GRM7: variants seen among roughly 807,000 people sequenced by gnomAD.
GRM7 encodes the protein metabotropic glutamate receptor 7.
In GRM7, 35 loss-of-function variants were observed where a neutral mutation model predicts 84.5. The observed-to-expected ratio is 0.41, with a 90% CI of 0.32 to 0.55. GRM7 has a LOEUF of 0.55. GRM7 is among the 20% of genes least tolerant of loss of function. The probability of loss-of-function intolerance (pLI) is 0.19; values close to 1 mark genes in which losing one functional copy is unlikely to be tolerated. For missense variants in GRM7, 1,003 were observed against 1,194.6 expected, an observed-to-expected ratio of 0.84 and a Z score of 2.36; for synonymous variants, 487 against 455.1, an observed-to-expected ratio of 1.07 and a Z score of -0.89.
At chr3:7,572,039 A>G (rs992221737) in intron 7 of GRM7, among the ~76,000 whole-genome samples, 4 of 152,092 alleles carry the variant, frequency 2.6e-5, no homozygotes, top group African/African-American at 4.8e-5. Flanking sequence ...CCATAATTCA[A>G]TCACCTCCCA....
At chr3:7,413,199 T>G (rs1020015727) in intron 4 of GRM7, among the ~76,000 whole-genome samples, 1 of 152,142 alleles carries the variant, frequency 6.6e-6, no homozygotes, top group African/African-American at 2.4e-5. Flanking sequence ...AGGGAAAACT[T>G]TAAACCATTC....
At chr3:7,024,981 G>A (rs1695924553) in intron 1 of GRM7, among the ~76,000 whole-genome samples, 1 of 152,142 alleles carries the variant, frequency 6.6e-6, no homozygotes, top group Non-Finnish European at 1.5e-5. Context: ...TGTTGGCAGG[G>A]CAGTGTTCCA....
chr3:7,339,645 C>G (rs1701560919), intron 4 of GRM7, among the ~76,000 whole-genome samples: 1 of 152,200 alleles, frequency 6.6e-6, no homozygotes, highest in South Asian at 2.1e-4. Context: ...GCACAGGTTC[C>G]CTGTTTTAAA....
chr3:7,664,008 T>C (rs76746729), intron 8 of GRM7, among the ~76,000 whole-genome samples: 72 of 152,324 alleles, frequency 4.7e-4, no homozygotes, highest in Admixed American at 3.5e-3. Context: ...ACATCTCTAA[T>C]GCGTGCAAAG....
At chr3:7,728,298 G>A (rs184863759) in intron 9 of GRM7, among the ~76,000 whole-genome samples, 2 of 152,150 alleles carry the variant, frequency 1.3e-5, no homozygotes. Flanking sequence ...CCAGGTAAAG[G>A]GAGAAGGTCA....
Position 7,429,740 on chromosome 3 carries a change from T to G in GRM7, c.1174+14577T>G, listed in dbSNP as rs185941459. Among the ~76,000 whole-genome samples the G allele has an allele frequency of 2.8e-4, 43 of 152,296 alleles. No homozygotes were observed. In the East Asian group the frequency reaches 8.1e-3, roughly 29 times the overall value. On this transcript the variant is annotated intron_variant, in intron 5 of 9. Transcript: ENST00000357716. ...TTTGAACCAAAGTATTTTACTCTACTCTTGTAAATAATAAACAATTATACA... is the reference window on the plus strand; with the variant it reads ...TTTGAACCAAAGTATTTTACTCTACGCTTGTAAATAATAAACAATTATACA...
chr3:7,679,650 T>C (rs1344313916), intron 8 of GRM7, among the ~76,000 whole-genome samples: 1 of 152,088 alleles, frequency 6.6e-6, no homozygotes, highest in Non-Finnish European at 1.5e-5. Flanking sequence ...TAGGAAGAAA[T>C]CATGGAGTGT....
At chr3:7,146,377 A>C (rs988692828) in intron 1 of GRM7, 75 bp from the exon 2 acceptor site, 2 of 1,152,128 alleles carry the variant, frequency 1.7e-6, no homozygotes, top group African/African-American at 1.5e-5. Flanking sequence ...TATTTTAAGT[A>C]AACTGTCATA....
At chr3:7,130,453 G>C (rs907440368) in intron 1 of GRM7, among the ~76,000 whole-genome samples, 1 of 151,828 alleles carries the variant, frequency 6.6e-6, no homozygotes, top group African/African-American at 2.4e-5. Context: ...TGAGGCAGGA[G>C]AGTCATGTAA....
chr3:7,450,932 G>A (rs1697740406), intron 5 of GRM7, among the ~76,000 whole-genome samples: 1 of 124,258 alleles, frequency 8.0e-6, no homozygotes, highest in Non-Finnish European at 1.8e-5. Flanking sequence ...TATGTTATAT[G>A]TTAAATGTTC....
chr3:7,101,059 A>C (rs1047082792), intron 1 of GRM7, among the ~76,000 whole-genome samples: 2 of 151,768 alleles, frequency 1.3e-5, no homozygotes, highest in Admixed American at 6.6e-5. Context: ...GCCATTGTGA[A>C]TATCCCTGTA....
chr3:7,045,642 G>T (rs537444408), intron 1 of GRM7, among the ~76,000 whole-genome samples: 42 of 152,100 alleles, frequency 2.8e-4, no homozygotes, highest in African/African-American at 9.9e-4. Flanking sequence ...TGAACTATTT[G>T]TCTTTCTGTG....
intron 7 of GRM7, among the ~76,000 whole-genome samples, chr3:7,518,589 C>T (rs1175694246): frequency 2.0e-5 from 3 of 152,168 alleles, no homozygotes; most frequent in African/African-American, 7.2e-5. Context: ...ACCCTCTAAA[C>T]TGGCTGGGTT....
chr3:7,659,640 G>C (rs543581705), intron 8 of GRM7, among the ~76,000 whole-genome samples: 1 of 152,288 alleles, frequency 6.6e-6, no homozygotes, highest in South Asian at 2.1e-4. Flanking sequence ...ATCTGGTTTT[G>C]TTTAATGTTG....
At chr3:7,286,784 G>T (rs1699446073) in intron 2 of GRM7, among the ~76,000 whole-genome samples, 1 of 152,086 alleles carries the variant, frequency 6.6e-6, no homozygotes, top group East Asian at 1.9e-4. Flanking sequence ...GTCATTAAAG[G>T]TATGATTTTA....
chr3:7,574,634 T>G (rs1191435406), intron 7 of GRM7, among the ~76,000 whole-genome samples: 1 of 152,220 alleles, frequency 6.6e-6, no homozygotes, highest in Non-Finnish European at 1.5e-5. Flanking sequence ...CTGACGTACT[T>G]GCATCCTTGA....
chr3:7,186,138 G>T (rs9826819), intron 2 of GRM7, among the ~76,000 whole-genome samples: 5 of 152,206 alleles, frequency 3.3e-5, no homozygotes, highest in South Asian at 4.1e-4. Context: ...AGCTGACTGT[G>T]TAAACACTAG....
intron 4 of GRM7, 147 bp downstream of exon 4, chr3:7,306,799 C>T: frequency 1.7e-6 from 1 of 585,152 alleles, no homozygotes; most frequent in South Asian, 2.7e-5. Flanking sequence ...GCAAATGAGG[C>T]CACACACCTG....
intron 1 of GRM7, among the ~76,000 whole-genome samples, chr3:7,064,030 G>A (rs1476876109): frequency 1.3e-5 from 2 of 151,374 alleles, no homozygotes; most frequent in Admixed American, 6.6e-5. Flanking sequence ...GCTGACAGAG[G>A]ATTTGCTGTT....
Sources: allele counts gnomAD v4.1 joint callset (sites outside exome capture counted in the v4.1 genomes callset), GRCh38; gene constraint gnomAD v4.1.1; transcripts MANE v1.5; gene names NCBI Gene and HGNC (gene_info 2026-07-23, HGNC 2026-07-21).